Variants in NUP42 observed in about 807,000 individuals in gnomAD.
NUP42 encodes the protein nucleoporin NUP42.
A neutral mutation model predicts 35.9 loss-of-function variants in NUP42; 47 were observed. That is an observed-to-expected ratio of 1.31 (90% CI 1.04 to 1.67). The LOEUF (loss-of-function observed/expected upper bound fraction) is 1.67, where lower values mean the gene tolerates loss of function less well. Among genes scored for constraint, NUP42 ranks in the 40% most tolerant of loss-of-function variants. The probability of loss-of-function intolerance (pLI) is 0.00; values close to 1 mark genes in which losing one functional copy is unlikely to be tolerated. For missense variants in NUP42, 514 were observed against 492.2 expected (o/e 1.04, Z -0.42); for synonymous variants, 173 against 173.3 (o/e 1.00, Z 0.01).
chr7:23,182,432 G>C, intron 1 of NUP42: 1 of 1,351,546 alleles, frequency 7.4e-7, no homozygotes, highest in Non-Finnish European at 9.5e-7. Flanking sequence ...TTTGGGCCTG[G>C]ATGCTTGTGC....
At chr7:23,196,017 AT>A in intron 4 of NUP42, 102 bp downstream of exon 4, 1 of 544,982 alleles carries the variant, frequency 1.8e-6, no homozygotes, top group Non-Finnish European at 3.1e-6. Flanking sequence ...GAGGTCTATG[AT>A]CTTTTTTCAG....
At chr7:23,187,287 T>A in intron 3 of NUP42, 141 bp downstream of exon 3, 1 of 574,342 alleles carries the variant, frequency 1.7e-6, no homozygotes, top group East Asian at 2.9e-5. Context: ...ATTCGAGTAT[T>A]CTAGCCAAAC....
intron 3 of NUP42, chr7:23,195,401 C>A (rs917472242): frequency 6.6e-6 from 1 of 152,492 alleles, no homozygotes; most frequent in African/African-American, 2.4e-5. Context: ...TGCCCAAATT[C>A]ATTTACTTTT....
Position 23,200,837 on chromosome 7 carries a change from A to C in NUP42, c.*92A>C. Reference sequence around the variant, plus strand: ...TATATATGCATACATGTATATATTCATAAGGAATATAAGCTTCCATCAATA... The same window carrying C: ...TATATATGCATACATGTATATATTCCTAAGGAATATAAGCTTCCATCAATA... On this transcript the variant is annotated 3_prime_UTR_variant, in exon 7 of 7. Coordinates refer to ENST00000258742, the MANE Select transcript of NUP42 (RefSeq NM_007342.3). 7 of 577,396 alleles carry C rather than the reference A, an allele frequency of 1.2e-5. No homozygotes were observed. Among genetic ancestry groups the C allele is most frequent in the Non-Finnish European group, 1.6e-5 (6 of 373,324 alleles). The allele number at this position is 577,396 out of a possible 1,614,324, so 35.8% of individuals were successfully genotyped here.
chr7:23,199,220 G>A (rs747468339), intron 5 of NUP42, among the ~76,000 whole-genome samples: 5 of 151,986 alleles, frequency 3.3e-5, no homozygotes, highest in Non-Finnish European at 5.9e-5. Context: ...TGGGACCACT[G>A]GCTAATTTTT....
chr7:23,195,988 G>C, intron 4 of NUP42, 73 bp downstream of exon 4: 1 of 931,338 alleles, frequency 1.1e-6, no homozygotes, highest in Non-Finnish European at 1.6e-6. Context: ...ATCGTGGCTT[G>C]TGTTTTGGCA....
intron 3 of NUP42, among the ~76,000 whole-genome samples, chr7:23,193,774 G>C (rs1051127574): frequency 6.6e-6 from 1 of 152,262 alleles, no homozygotes; most frequent in Admixed American, 6.5e-5. Context: ...GGTGCCGGTG[G>C]AGCAGGGGGT....
chr7:23,194,755 C>A (rs34832582), intron 3 of NUP42: 3,371 of 173,796 alleles, frequency 0.019, 46 homozygotes, highest in Non-Finnish European at 0.031. Flanking sequence ...GTGGCGCAGT[C>A]TTGGCTCACT....
chr7:23,196,600 G>A, intron 4 of NUP42, 80 bp from the exon 5 acceptor site: 2 of 1,022,408 alleles, frequency 2.0e-6, no homozygotes, highest in Non-Finnish European at 3.0e-6. Flanking sequence ...TTTTGGCAAA[G>A]AAGTATGTGA....
chr7:23,183,039 T>A (rs1398934538), intron 1 of NUP42, among the ~76,000 whole-genome samples: 1 of 152,166 alleles, frequency 6.6e-6, no homozygotes, highest in African/African-American at 2.4e-5. Flanking sequence ...AGTTAAGGGC[T>A]ATCCGGGAGG....
chr7:23,183,110 GC>G (rs764309927), intron 1 of NUP42, among the ~76,000 whole-genome samples: 7 of 152,078 alleles, frequency 4.6e-5, no homozygotes, highest in Non-Finnish European at 8.8e-5. Flanking sequence ...CATTGTCAAA[GC>G]TTTTTATCTT....
intron 3 of NUP42, chr7:23,188,171 C>G: frequency 8.6e-7 from 1 of 1,168,734 alleles, no homozygotes; most frequent in Non-Finnish European, 1.1e-6. Context: ...ATCGCAGAAC[C>G]TTGGGATCTT....
At chr7:23,189,903 ACT>A (rs1336745893) in intron 3 of NUP42, among the ~76,000 whole-genome samples, 6 of 148,628 alleles carry the variant, frequency 4.0e-5, no homozygotes, top group African/African-American at 1.5e-4. Context: ...ACAGAGTGAG[ACT>A]CTGTCTCAAA....
intron 3 of NUP42, among the ~76,000 whole-genome samples, chr7:23,193,472 C>G (rs1785885885): frequency 6.6e-6 from 1 of 152,164 alleles, no homozygotes; most frequent in African/African-American, 2.4e-5. Flanking sequence ...CAAAGGTTCT[C>G]CAAGTCCCAA....
chr7:23,195,078 C>T (rs1008009578), intron 3 of NUP42: 1 of 152,218 alleles, frequency 6.6e-6, no homozygotes, highest in Non-Finnish European at 1.5e-5. Flanking sequence ...CCTTTGTTTA[C>T]ATATATAACT....
intron 6 of NUP42, 60 bp from the exon 7 acceptor site, chr7:23,200,108 G>A: frequency 8.5e-7 from 1 of 1,181,926 alleles, no homozygotes; most frequent in African/African-American, 1.5e-5. Flanking sequence ...AAATAATTGT[G>A]ACATTTTTCT....
intron 3 of NUP42, among the ~76,000 whole-genome samples, chr7:23,193,323 A>G (rs1248886166): frequency 6.6e-6 from 1 of 152,094 alleles, no homozygotes; most frequent in African/African-American, 2.4e-5. Context: ...CCCCACCCAC[A>G]TCGTGCTGAT....
At chr7:23,185,425 T>A in intron 2 of NUP42, 127 bp downstream of exon 2, 1 of 697,226 alleles carries the variant, frequency 1.4e-6, no homozygotes, top group Non-Finnish European at 2.3e-6. Flanking sequence ...AAAGAAATAA[T>A]GCATTATTTT....
intron 5 of NUP42, 76 bp from the exon 6 acceptor site, chr7:23,199,382 T>G (rs1161797689): frequency 2.4e-6 from 3 of 1,230,354 alleles, no homozygotes; most frequent in Non-Finnish European, 3.6e-6. Context: ...CTTGAATTTG[T>G]CCATAAAGTG....
Sources: gnomAD v4.1 joint callset for allele counts (sites outside exome capture counted in the v4.1 genomes callset) on GRCh38, gnomAD v4.1.1 for gene constraint, MANE v1.5 for transcripts, NCBI Gene and HGNC (gene_info 2026-07-23, HGNC 2026-07-21) for gene names.